GLI2: variants seen among roughly 807,000 people sequenced by gnomAD.
The protein encoded by GLI2 is GLI family zinc finger 2.
A neutral mutation model predicts 78.9 loss-of-function variants in GLI2; 22 were observed. The ratio of observed to expected loss-of-function variants is 0.28; its 90% CI spans 0.20 to 0.40. GLI2 has a LOEUF of 0.40. Ranked by LOEUF, GLI2 falls within the 10% of genes least tolerant of loss-of-function variation. The pLI is 1.00. For missense variants in GLI2, 2,097 were observed against 2,213.2 expected (o/e 0.95, Z 1.05); for synonymous variants, 974 against 963.7 (o/e 1.01, Z -0.20).
chr2:120,921,386 C>T (rs1679372868), intron 2 of GLI2, among the ~76,000 whole-genome samples: 1 of 151,998 alleles, frequency 6.6e-6, no homozygotes, highest in Non-Finnish European at 1.5e-5. Flanking sequence ...CATACAGGGC[C>T]ACAAAGATGA....
rs1453124962 is a variant in GLI2 at position 120,972,167 on chromosome 2, T to C, written c.1182+104T>C. 3.1e-6 allele frequency: 4 copies of C among 1,292,636 alleles called. No homozygotes were observed. The East Asian group carries it at 9.5e-5, about 31-fold the overall frequency. The allele number at this position is 1,292,636 out of a possible 1,614,324, so 80.1% of individuals were successfully genotyped here. ...GTGAACGGATGGCTGGCTGGCTGCC[T>C]GCATGGATGAATGAGTGACCCAGGG... On this transcript the variant is annotated intron_variant, in intron 8 of 13. Coordinates refer to ENST00000361492, the MANE Select transcript of GLI2 (RefSeq NM_001374353.1).
intron 2 of GLI2, among the ~76,000 whole-genome samples, chr2:120,901,883 G>A (rs1476353243): frequency 6.6e-6 from 1 of 152,162 alleles, no homozygotes; most frequent in African/African-American, 2.4e-5. Flanking sequence ...ACTCTTTTCA[G>A]CATTGGGTAT....
chr2:120,896,457 G>A (rs564366451), intron 2 of GLI2, among the ~76,000 whole-genome samples: 3 of 151,692 alleles, frequency 2.0e-5, no homozygotes, highest in East Asian at 2.0e-4. Flanking sequence ...AAGCTGGGGT[G>A]GGGGGGTATT....
chr2:120,974,465 A>G (rs1477312374), intron 8 of GLI2, among the ~76,000 whole-genome samples: 1 of 152,174 alleles, frequency 6.6e-6, no homozygotes, highest in Non-Finnish European at 1.5e-5. Flanking sequence ...AGGTCAAGGA[A>G]TGTCTCAGGG....
At chr2:120,780,739 G>A (rs1683821684) in intron 1 of GLI2, among the ~76,000 whole-genome samples, 1 of 152,232 alleles carries the variant, frequency 6.6e-6, no homozygotes, top group African/African-American at 2.4e-5. Context: ...CCAGTCCTGG[G>A]TCGTTTCCAG....
At chr2:120,821,511 C>A (rs1685774629) in intron 2 of GLI2, among the ~76,000 whole-genome samples, 1 of 152,080 alleles carries the variant, frequency 6.6e-6, no homozygotes, top group African/African-American at 2.4e-5. Context: ...GGCTTGTAAA[C>A]CAGCTCCTGG....
At chr2:120,762,532 G>A (rs1228079459) in intron 1 of GLI2, among the ~76,000 whole-genome samples, 1 of 152,202 alleles carries the variant, frequency 6.6e-6, no homozygotes, top group East Asian at 1.9e-4. Context: ...GCAGGTCCCA[G>A]GAAGGCACAA....
intron 3 of GLI2, among the ~76,000 whole-genome samples, chr2:120,939,744 T>C (rs964823304): frequency 1.3e-5 from 2 of 152,244 alleles, no homozygotes; most frequent in Non-Finnish European, 2.9e-5. Context: ...TACCATCCTC[T>C]GGGCCCCAAG....
chr2:120,828,832 T>C (rs1170686974), intron 2 of GLI2, among the ~76,000 whole-genome samples: 1 of 147,338 alleles, frequency 6.8e-6, no homozygotes, highest in Non-Finnish European at 1.5e-5. Flanking sequence ...CTAAAATGGA[T>C]TCTCTGCTGA....
intron 2 of GLI2, among the ~76,000 whole-genome samples, chr2:120,822,615 G>A (rs1184626590): frequency 6.6e-6 from 1 of 152,160 alleles, no homozygotes; most frequent in African/African-American, 2.4e-5. Flanking sequence ...CTGTGGAAAA[G>A]CCCAATGAAC....
chr2:120,752,963 A>G (rs984705234), intron 1 of GLI2, among the ~76,000 whole-genome samples: 2 of 152,220 alleles, frequency 1.3e-5, no homozygotes, highest in Admixed American at 1.3e-4. Context: ...ATTTGCCACT[A>G]TAAACAAGGT....
At chr2:120,816,984 A>G (rs1197049518) in intron 2 of GLI2, among the ~76,000 whole-genome samples, 1 of 152,214 alleles carries the variant, frequency 6.6e-6, no homozygotes, top group Non-Finnish European at 1.5e-5. Flanking sequence ...TTTTTTACCC[A>G]TGCGTTATTT....
chr2:120,956,650 A>G (rs1039292522), intron 5 of GLI2, among the ~76,000 whole-genome samples: 1 of 152,106 alleles, frequency 6.6e-6, no homozygotes, highest in African/African-American at 2.4e-5. Flanking sequence ...CCTCCTGCAG[A>G]GCCAGCCTCC....
chr2:120,976,099 C>T (rs58037350), intron 9 of GLI2, among the ~76,000 whole-genome samples: 3,256 of 152,312 alleles, frequency 0.021, 60 homozygotes, highest in Middle Eastern at 0.058. Flanking sequence ...CCAGCACATG[C>T]TCCTTGGTGA....
intron 2 of GLI2, among the ~76,000 whole-genome samples, chr2:120,848,285 C>T (rs113769368): frequency 2.1e-3 from 314 of 152,284 alleles, no homozygotes; most frequent in African/African-American, 7.1e-3. Context: ...GGGTTTGCAC[C>T]AGCTAGAACG....
intron 2 of GLI2, among the ~76,000 whole-genome samples, chr2:120,805,347 A>G (rs1489162005): frequency 2.0e-5 from 3 of 152,176 alleles, no homozygotes; most frequent in Non-Finnish European, 4.4e-5. Flanking sequence ...GCTGGTTCCT[A>G]TAAGCTGGTG....
At chr2:120,912,665 G>A (rs1452119108) in intron 2 of GLI2, among the ~76,000 whole-genome samples, 1 of 152,202 alleles carries the variant, frequency 6.6e-6, no homozygotes, top group African/African-American at 2.4e-5. Context: ...CGGCTTGCCC[G>A]GTGTTTCTCC....
At chr2:120,803,708 A>G (rs1365288620) in intron 2 of GLI2, among the ~76,000 whole-genome samples, 1 of 152,226 alleles carries the variant, frequency 6.6e-6, no homozygotes, top group African/African-American at 2.4e-5. Flanking sequence ...AGACCAGACC[A>G]GACCAAAGGT....
At position 120,800,387 on chromosome 2, in the gene GLI2, T is replaced by G. The variant is rs1015471318; in HGVS notation, c.148+2919T>G. On this transcript the variant is annotated intron_variant, in intron 2 of 13. Coordinates refer to ENST00000361492, the MANE Select transcript of GLI2 (RefSeq NM_001374353.1). This position sits in a 1 kb window ranked among gnomAD's most constrained non-coding sequence, Gnocchi z 4.1. ...GGTGACCACTTAGAAGCCTGGCTCC[T>G]CTGAGGCCTGGCTTGTTCCTCCAAA... Among the ~76,000 whole-genome samples, 5 of 152,174 alleles carry G rather than the reference T, an allele frequency of 3.3e-5. No individual in the cohort carries two copies. Among genetic ancestry groups the G allele is most frequent in the Admixed American group, 6.5e-5 (1 of 15,280 alleles).
Sources: allele counts gnomAD v4.1 joint callset (sites outside exome capture counted in the v4.1 genomes callset), GRCh38; gene constraint gnomAD v4.1.1; non-coding constraint Gnocchi (gnomAD v3.1); transcripts MANE v1.5; gene names NCBI Gene and HGNC (gene_info 2026-07-23, HGNC 2026-07-21).